The following CDK17 variants were observed in gnomAD, a reference collection of about 807,000 sequenced individuals.
The protein encoded by CDK17 is cyclin-dependent kinase 17.
CDK17 carries 24 observed loss-of-function variants against 77.6 expected under a neutral mutation model. That is an observed-to-expected ratio of 0.31 (90% CI 0.22 to 0.44). The LOEUF is 0.44. Ranked by LOEUF, CDK17 falls within the 20% of genes least tolerant of loss-of-function variation. CDK17 has a pLI of 1.00. For synonymous variants in CDK17, 203 were observed against 210.4 expected (o/e 0.96, Z 0.30); for missense variants, 429 against 622.5 (o/e 0.69, Z 3.31).
intron 10 of CDK17, among the ~76,000 whole-genome samples, chr12:96,293,618 C>A (rs10860012): frequency 0.2 from 30,489 of 152,054 alleles, 3,228 homozygotes; most frequent in South Asian, 0.3. Context: ...GTTAACAAAA[C>A]CTATAACGAT....
intron 11 of CDK17, 152 bp from the exon 12 acceptor site, chr12:96,286,913 G>T (rs1318948072): frequency 1.7e-6 from 1 of 581,536 alleles, no homozygotes; most frequent in Non-Finnish European, 3.0e-6. Flanking sequence ...TAATTTGTTC[G>T]CATTTACCCT....
chr12:96,385,702 T>C (rs967903843), intron 1 of CDK17, among the ~76,000 whole-genome samples: 10 of 152,156 alleles, frequency 6.6e-5, no homozygotes, highest in African/African-American at 2.2e-4. Context: ...AAGATAATAT[T>C]TGAAAATAGT....
intron 1 of CDK17, among the ~76,000 whole-genome samples, chr12:96,378,975 C>T (rs1283106722): frequency 6.6e-6 from 1 of 151,872 alleles, no homozygotes; most frequent in Non-Finnish European, 1.5e-5. Flanking sequence ...TTTTATCTAT[C>T]CCAAAAAAAT....
intron 1 of CDK17, among the ~76,000 whole-genome samples, chr12:96,381,815 A>G (rs1382215976): frequency 6.6e-6 from 1 of 152,040 alleles, no homozygotes; most frequent in Non-Finnish European, 1.5e-5. Context: ...ATATCAGAAA[A>G]AATTAAAAAA....
Position 96,300,377 on chromosome 12 carries a change from G to C in CDK17, c.544-17C>G. On this transcript the variant is annotated splice_polypyrimidine_tract_variant and intron_variant, in intron 5 of 16. Coordinates refer to ENST00000261211, the MANE Select transcript of CDK17 (RefSeq NM_002595.5). ...AATTTCTGACTGAAAAGTAAACAAT[G>C]AAAAATGTAGTATTTACTTTTTTTT... 1 of 1,384,076 alleles carries C rather than the reference G, an allele frequency of 7.2e-7. No individual in the cohort carries two copies. The highest frequency in any genetic ancestry group is 1.0e-6 in the Non-Finnish European group (1 of 992,940). The allele number at this position is 1,384,076 out of a possible 1,614,324, so 85.7% of individuals were successfully genotyped here. A position where few individuals can be genotyped will look rare whatever the true frequency, so the allele number is the denominator to read the frequency against.
chr12:96,385,012 G>GA (rs75720821), intron 1 of CDK17, among the ~76,000 whole-genome samples: 2,190 of 75,330 alleles, frequency 0.029, 34 homozygotes, highest in East Asian at 0.044. Flanking sequence ...TTTCTCAAGG[G>GA]AAAAAAAAAA....
chr12:96,289,417 C>G, intron 10 of CDK17, 130 bp from the exon 11 acceptor site: 1 of 938,232 alleles, frequency 1.1e-6, no homozygotes, highest in Non-Finnish European at 1.6e-6. Flanking sequence ...GGCTTCACCA[C>G]TATTAACTTT....
At chr12:96,361,977 ATATTTTTAT>A (rs1953499334) in intron 1 of CDK17, among the ~76,000 whole-genome samples, 1 of 152,190 alleles carries the variant, frequency 6.6e-6, no homozygotes, top group Non-Finnish European at 1.5e-5. Flanking sequence ...ACTGATTTTG[ATATTTTTAT>A]TGCCTGAGAT....
chr12:96,280,486 A>T, intron 16 of CDK17: 1 of 1,410,392 alleles, frequency 7.1e-7, no homozygotes, highest in South Asian at 1.7e-5. Context: ...ATGACTAGGG[A>T]AGCACAAGAT....
At chr12:96,305,240 TG>T (rs1952562558) in intron 5 of CDK17, among the ~76,000 whole-genome samples, 1 of 152,202 alleles carries the variant, frequency 6.6e-6, no homozygotes, top group African/African-American at 2.4e-5. Flanking sequence ...ATTTTTAACA[TG>T]ACATATGATC....
At chr12:96,312,262 G>A (rs1028828030) in intron 4 of CDK17, among the ~76,000 whole-genome samples, 3 of 152,106 alleles carry the variant, frequency 2.0e-5, no homozygotes, top group Admixed American at 2.0e-4. Flanking sequence ...GGGTGACAGA[G>A]TGAGGCCCTG....
intron 1 of CDK17, among the ~76,000 whole-genome samples, chr12:96,357,896 T>A (rs1381132173): frequency 6.6e-6 from 1 of 152,172 alleles, no homozygotes; most frequent in Non-Finnish European, 1.5e-5. Flanking sequence ...ATGTCCGTAA[T>A]AGCATAATAC....
At chr12:96,283,924 A>G (rs1159422830) in intron 13 of CDK17, among the ~76,000 whole-genome samples, 1 of 152,242 alleles carries the variant, frequency 6.6e-6, no homozygotes, top group African/African-American at 2.4e-5. Context: ...CTCAAAACAA[A>G]GAAACTTCAA....
At chr12:96,293,875 A>G (rs1218744215) in intron 10 of CDK17, among the ~76,000 whole-genome samples, 2 of 152,226 alleles carry the variant, frequency 1.3e-5, no homozygotes, top group African/African-American at 4.8e-5. Context: ...AGCAGATCCA[A>G]ATTTCCAAAC....
At chr12:96,342,602 C>T (rs1232160953) in intron 1 of CDK17, among the ~76,000 whole-genome samples, 2 of 152,032 alleles carry the variant, frequency 1.3e-5, no homozygotes, top group Non-Finnish European at 2.9e-5. Context: ...AGTGATTGTA[C>T]AAAACACTGA....
intron 1 of CDK17, among the ~76,000 whole-genome samples, chr12:96,335,987 G>T (rs1477694966): frequency 2.0e-5 from 3 of 152,128 alleles, no homozygotes; most frequent in Admixed American, 6.6e-5. Flanking sequence ...TTTTATAGCT[G>T]TAAATGTTTT....
chr12:96,388,975 A>G (rs1034960551), intron 1 of CDK17, among the ~76,000 whole-genome samples: 1 of 152,112 alleles, frequency 6.6e-6, no homozygotes, highest in Non-Finnish European at 1.5e-5. Flanking sequence ...TAAGCCATTC[A>G]TGAGGGATCT....
chr12:96,362,620 A>G (rs912259507), intron 1 of CDK17, among the ~76,000 whole-genome samples: 3 of 152,188 alleles, frequency 2.0e-5, no homozygotes, highest in Non-Finnish European at 4.4e-5. Flanking sequence ...ACCCAACAGT[A>G]AATATTTTAG....
intron 1 of CDK17, among the ~76,000 whole-genome samples, chr12:96,341,200 G>A (rs970888696): frequency 1.3e-5 from 2 of 152,088 alleles, no homozygotes; most frequent in Non-Finnish European, 2.9e-5. Flanking sequence ...TAAACAGTGT[G>A]ACTTAATGGT....
Sources: gnomAD v4.1 joint callset for allele counts (sites outside exome capture counted in the v4.1 genomes callset) on GRCh38, gnomAD v4.1.1 for gene constraint, MANE v1.5 for transcripts, NCBI Gene and HGNC (gene_info 2026-07-23, HGNC 2026-07-21) for gene names.